SSR1: variants seen among roughly 807,000 people sequenced by gnomAD.
SSR1 encodes signal sequence receptor subunit 1, also known as translocon-associated protein subunit alpha.
In SSR1, 13 loss-of-function variants were observed where a neutral mutation model predicts 36.1. That is an observed-to-expected ratio of 0.36 (90% CI 0.23 to 0.57). The LOEUF (loss-of-function observed/expected upper bound fraction) is 0.57, where lower values mean the gene tolerates loss of function less well. Among genes scored for constraint, SSR1 ranks in the 20% least tolerant of loss-of-function variants. SSR1 has a pLI of 0.81. For missense variants in SSR1, 291 were observed against 338.5 expected, an observed-to-expected ratio of 0.86 and a Z score of 1.10; for synonymous variants, 113 against 118.9, an observed-to-expected ratio of 0.95 and a Z score of 0.32.
intron 1 of SSR1, 54 bp from the exon 2 acceptor site, chr6:7,310,083 CTTTTT>C: frequency 2.1e-6 from 3 of 1,461,782 alleles, no homozygotes; most frequent in Non-Finnish European, 2.9e-6. Flanking sequence ...ATACTAATTT[CTTTTT>C]TTAACATCAG....
chr6:7,305,773 T>C (rs1758039988), intron 2 of SSR1, among the ~76,000 whole-genome samples: 1 of 152,206 alleles, frequency 6.6e-6, no homozygotes, highest in Admixed American at 6.5e-5. Flanking sequence ...AGTTCATGCT[T>C]GATGGCCTTC....
chr6:7,302,014 A>C (rs1028784867), intron 3 of SSR1, among the ~76,000 whole-genome samples: 1 of 152,230 alleles, frequency 6.6e-6, no homozygotes, highest in Non-Finnish European at 1.5e-5. Flanking sequence ...GAACGTAAAA[A>C]TTAATCAGGC....
At chr6:7,291,114 C>T (rs1757670690) in intron 7 of SSR1, among the ~76,000 whole-genome samples, 1 of 152,140 alleles carries the variant, frequency 6.6e-6, no homozygotes, top group Non-Finnish European at 1.5e-5. Flanking sequence ...AGGGCTAAGG[C>T]CAGGCACAGT....
intron 6 of SSR1, chr6:7,297,269 T>C (rs1291136311): frequency 6.3e-6 from 1 of 159,792 alleles, no homozygotes; most frequent in Non-Finnish European, 1.4e-5. Context: ...GCTAGGTTAC[T>C]TGCAGATAAA....
At position 7,295,515 on chromosome 6, in the gene SSR1, G is replaced by A. The variant is rs377434356; in HGVS notation, c.700-30C>T. 1.2e-5 allele frequency: 18 copies of A among 1,485,520 alleles called. No individual in the cohort carries two copies. The African/African-American group carries it at 2.3e-4, about 19-fold the overall frequency. 92.0% of individuals were successfully genotyped at this position (1,485,520 alleles called of 1,614,324 possible). A position where few individuals can be genotyped will look rare whatever the true frequency, so the allele number is the denominator to read the frequency against. ...AAGAACATAAAGACATATTTTAAAG[G>A]AGTTCCGTTACACCATTTACTTAAT... On this transcript the variant is annotated intron_variant, in intron 6 of 7. Transcript: ENST00000244763.
At chr6:7,310,078 A>G (rs563290478) in intron 1 of SSR1, 49 bp from the exon 2 acceptor site, 7 of 1,507,520 alleles carry the variant, frequency 4.6e-6, no homozygotes, top group Middle Eastern at 1.7e-4. Flanking sequence ...CTGAAATACT[A>G]ATTTCTTTTT....
chr6:7,295,547 TAA>T (rs35010836), intron 6 of SSR1, 62 bp from the exon 7 acceptor site: 14 of 1,256,220 alleles, frequency 1.1e-5, no homozygotes, highest in Non-Finnish European at 1.5e-5. Flanking sequence ...TAATATTTTT[TAA>T]AAAAGAGTTG....
In SSR1 at chr6:7,310,060, C is replaced by T. The variant is rs1233021785; in HGVS notation, c.80-31G>A. On this transcript the variant is annotated intron_variant, in intron 1 of 7. Transcript: ENST00000244763. ...GATAAAATACAGAAAAAGCAGTTACCCTTTACTCTGAAATACTAATTTCTT... is the reference window on the plus strand; with the variant it reads ...GATAAAATACAGAAAAAGCAGTTACTCTTTACTCTGAAATACTAATTTCTT... The T allele has an allele frequency of 1.9e-6, 3 of 1,560,358 alleles. No individual in the cohort carries two copies. In the East Asian group the frequency reaches 6.7e-5, roughly 35 times the overall value.
intron 3 of SSR1, 119 bp downstream of exon 3, chr6:7,303,431 C>A (rs538306620): frequency 1.5e-5 from 9 of 610,870 alleles, no homozygotes; most frequent in Non-Finnish European, 2.6e-5. Flanking sequence ...ATATCACCTA[C>A]GTATTCCCTT....
At chr6:7,308,978 G>A (rs763737313) in intron 2 of SSR1, among the ~76,000 whole-genome samples, 3 of 152,108 alleles carry the variant, frequency 2.0e-5, no homozygotes, top group African/African-American at 4.8e-5. Flanking sequence ...TTTCTACTAT[G>A]TTGTTACCCT....
intron 2 of SSR1, among the ~76,000 whole-genome samples, chr6:7,309,621 G>C (rs1395825184): frequency 6.6e-6 from 1 of 152,198 alleles, no homozygotes; most frequent in African/African-American, 2.4e-5. Flanking sequence ...TTACCTCCAT[G>C]CTGTTCTCGT....
rs776166447 is a variant in SSR1 at position 7,287,990 on chromosome 6, G to A, written c.*1874C>T. On this transcript the variant is annotated 3_prime_UTR_variant, in exon 8 of 8. Coordinates refer to ENST00000244763, the MANE Select transcript of SSR1 (RefSeq NM_003144.5). ...AGGCACTAATTTGAACTTCAGAAGT[G>A]GGAGGGCTGATATGTAAGGCAAGTT... The A allele has an allele frequency of 6.6e-6, 1 of 152,278 alleles. No homozygotes were observed. The highest frequency in any genetic ancestry group is 1.5e-5 in the Non-Finnish European group (1 of 68,030). 9.4% of individuals were successfully genotyped at this position (152,278 alleles called of 1,614,324 possible). A position where few individuals can be genotyped will look rare whatever the true frequency, so the allele number is the denominator to read the frequency against.
At chr6:7,298,723 C>G in intron 5 of SSR1, 24 bp downstream of exon 5, 1 of 1,579,060 alleles carries the variant, frequency 6.3e-7, no homozygotes, top group Non-Finnish European at 8.7e-7. Flanking sequence ...AAATCAAGAT[C>G]TACATACTAC....
At chr6:7,290,195 G>A (rs1757651761) in intron 7 of SSR1, among the ~76,000 whole-genome samples, 1 of 152,210 alleles carries the variant, frequency 6.6e-6, no homozygotes, top group African/African-American at 2.4e-5. Context: ...TTGTACTGCT[G>A]AAGACACCAT....
chr6:7,287,901 G>C lies in SSR1; in HGVS notation c.*1963C>G, dbSNP rs879729112. Reference sequence around the variant, plus strand: ...ACCCCTGGCATCTGAGGATTTAAGAGTTCAACTGTTCTCAATCTATGCTAA... The same window carrying C: ...ACCCCTGGCATCTGAGGATTTAAGACTTCAACTGTTCTCAATCTATGCTAA... On this transcript the variant is annotated 3_prime_UTR_variant, in exon 8 of 8. Transcript: ENST00000244763. The C allele has an allele frequency of 2.0e-5, 3 of 152,126 alleles. No individual in the cohort carries two copies. Among genetic ancestry groups the C allele is most frequent in the Admixed American group, 6.6e-5 (1 of 15,228 alleles). The allele number at this position is 152,126 out of a possible 1,614,324, so 9.4% of individuals were successfully genotyped here. A position where few individuals can be genotyped will look rare whatever the true frequency, so the allele number is the denominator to read the frequency against.
chr6:7,304,242 A>C (rs1006806386), intron 2 of SSR1, among the ~76,000 whole-genome samples: 8 of 152,340 alleles, frequency 5.3e-5, no homozygotes, highest in African/African-American at 1.7e-4. Flanking sequence ...AAGGTTCTAG[A>C]ACAGAGCTTG....
At chr6:7,297,892 A>G in intron 6 of SSR1, 31 bp downstream of exon 6, 3 of 1,580,252 alleles carry the variant, frequency 1.9e-6, no homozygotes, top group Non-Finnish European at 2.6e-6. Context: ...CTTTTGAAAC[A>G]CGGCTGTAAG....
Position 7,313,182 on chromosome 6 carries a change from T to A in SSR1, c.-62A>T. On this transcript the variant is annotated 5_prime_UTR_variant, in exon 1 of 8. Coordinates refer to ENST00000244763, the MANE Select transcript of SSR1 (RefSeq NM_003144.5). ...AGGCTCTCGGCGGCTCCGGCGGTAA[T>A]GGCGTTACTCTTCATCCGGGCTCCG... is the stretch of plus-strand genomic sequence containing the variant. 6.8e-7 allele frequency: 1 copy of A among 1,477,146 alleles called. No homozygotes were observed. The highest frequency in any genetic ancestry group is 9.2e-7 in the Non-Finnish European group (1 of 1,089,126). 91.5% of individuals were successfully genotyped at this position (1,477,146 alleles called of 1,614,324 possible).
chr6:7,301,384 A>T lies in SSR1; in HGVS notation c.469T>A (p.Ser157Thr), dbSNP rs1366143090. 6.2e-7 allele frequency: 1 copy of T among 1,614,214 alleles called. No individual in the cohort carries two copies. The highest frequency in any genetic ancestry group is 1.1e-5 in the South Asian group (1 of 91,084). ...PPQRQATFEY[S>T]FIPAEPMGGR... ...CCCATGGGCTCTGCAGGAATGAAAG[A>T]GTACTCAAAAGTTGCCTGTCTCTGG... Residue 157 changes from serine to threonine, a missense_variant, in exon 4 of 8, where the codon TCT becomes ACT. By Grantham distance (58) the Ser-to-Thr change is moderately conservative. Transcript: ENST00000244763.
Sources: gnomAD v4.1 joint callset for allele counts (sites outside exome capture counted in the v4.1 genomes callset) on GRCh38, gnomAD v4.1.1 for gene constraint, MANE v1.5 for transcripts, NCBI Gene and HGNC (gene_info 2026-07-23, HGNC 2026-07-21) for gene names.